The following KDM3A variants were observed in gnomAD, a reference collection of about 807,000 sequenced individuals.
KDM3A encodes the protein lysine-specific demethylase 3A.
KDM3A carries 60 observed loss-of-function variants against 158.0 expected under a neutral mutation model. That is an observed-to-expected ratio of 0.38 (90% CI 0.31 to 0.47). The LOEUF is 0.47. Ranked by LOEUF, KDM3A falls within the 20% of genes least tolerant of loss-of-function variation. The pLI is 0.99. For missense variants in KDM3A, 1,319 were observed against 1,574.3 expected (o/e 0.84, Z 2.74); for synonymous variants, 608 against 549.3 (o/e 1.11, Z -1.49).
intron 1 of KDM3A, 130 bp from the exon 2 acceptor site, chr2:86,441,888 C>A: frequency 2.1e-6 from 1 of 484,312 alleles, no homozygotes; most frequent in Non-Finnish European, 3.3e-6. Flanking sequence ...AGGAGGGGGG[C>A]TCGGTGCGGG....
chr2:86,482,661 G>T lies in KDM3A; in HGVS notation c.2889G>T (p.Trp963Cys). ...AAGACCCCAACAATAAGAGCAACTGGAATGTGTTTAGGGAGTGCTGGAAAC... is the reference window on the plus strand; with the variant it reads ...AAGACCCCAACAATAAGAGCAACTGTAATGTGTTTAGGGAGTGCTGGAAAC... ...CLQDPNNKSN[W>C]NVFRECWKQG... The change falls in exon 18 of 26, where the codon TGG becomes TGT. Residue 963 changes from tryptophan (W) to cysteine (C), a missense_variant. By Grantham distance (215) the Trp-to-Cys change is radical (BLOSUM62 -2). Around this residue, in one of 4 missense-constraint regions of KDM3A, gnomAD observed 368 missense variants for 415.8 expected, o/e 0.89. Coordinates refer to ENST00000312912, the MANE Select transcript of KDM3A (RefSeq NM_018433.6). 1 of 1,614,086 alleles carries T rather than the reference G, an allele frequency of 6.2e-7. No individual in the cohort carries two copies. Among genetic ancestry groups the T allele is most frequent in the Non-Finnish European group, 8.5e-7 (1 of 1,180,026 alleles).
At chr2:86,485,898 C>T (rs747548083) in intron 21 of KDM3A, 39 bp downstream of exon 21, 1 of 1,591,268 alleles carries the variant, frequency 6.3e-7, no homozygotes, top group South Asian at 1.1e-5. Context: ...GGAAATAAAA[C>T]AATTCAAAAT....
In KDM3A at chr2:86,491,201, A is replaced by G. The variant is rs376556978; in HGVS notation, c.3811A>G (p.Lys1271Glu). 2.5e-5 allele frequency: 41 copies of G among 1,613,444 alleles called. No homozygotes were observed. The highest frequency in any genetic ancestry group is 3.4e-5 in the Non-Finnish European group (40 of 1,179,516). The change falls in exon 25 of 26, where the codon AAA becomes GAA. Residue 1271 changes from lysine (K) to glutamate (E), a missense_variant. This residue lies in a region of KDM3A where 186 missense variants were observed against 340.9 expected (regional missense o/e 0.55). Coordinates refer to ENST00000312912, the MANE Select transcript of KDM3A (RefSeq NM_018433.6). Reference sequence around the variant, plus strand: ...AGATTTTGTTTCTCCAGAGCATGTTAAACACTGCTTCTGGCTTACTCAGGA... The same window carrying G: ...AGATTTTGTTTCTCCAGAGCATGTTGAACACTGCTTCTGGCTTACTCAGGA... ...AEDFVSPEHV[K>E]HCFWLTQEFR... is the part of the protein sequence containing the mutation.
chr2:86,483,022 G>T (rs1350317320), intron 18 of KDM3A: 41 of 299,718 alleles, frequency 1.4e-4, no homozygotes. Flanking sequence ...GATGGGATTT[G>T]GGAGATCAGA....
intron 8 of KDM3A, 102 bp from the exon 9 acceptor site, chr2:86,463,951 A>T (rs1289371989): frequency 1.3e-6 from 1 of 763,594 alleles, no homozygotes; most frequent in East Asian, 2.9e-5. Context: ...CAATGGTATT[A>T]TGTTTGTTTA....
intron 8 of KDM3A, among the ~76,000 whole-genome samples, chr2:86,461,349 T>C (rs1319792106): frequency 6.6e-6 from 1 of 152,190 alleles, no homozygotes; most frequent in Non-Finnish European, 1.5e-5. Context: ...ATTTAGTGTA[T>C]GCTAGACTGA....
Position 86,489,670 on chromosome 2 carries a change from T to TA in KDM3A, c.3573+12dup, listed in dbSNP as rs1431415222. 3 of 1,606,046 alleles carry TA rather than the reference T, an allele frequency of 1.9e-6. No individual in the cohort carries two copies. The highest frequency in any genetic ancestry group is 1.1e-5 in the South Asian group (1 of 90,126). On this transcript the variant is annotated intron_variant, in intron 23 of 25. Coordinates refer to ENST00000312912, the MANE Select transcript of KDM3A (RefSeq NM_018433.6). ...GAATTTCTTAAAAAGGTGTGCTGCT[T>TA]ATGGCATGTGTGAACAGAGGCATAA...
chr2:86,452,755 G>T (rs983916056), intron 4 of KDM3A, among the ~76,000 whole-genome samples: 28 of 152,196 alleles, frequency 1.8e-4, no homozygotes, highest in African/African-American at 6.8e-4. Context: ...GTATCGGGAA[G>T]CCCAAAGCAC....
intron 4 of KDM3A, among the ~76,000 whole-genome samples, chr2:86,454,208 A>G (rs972224299): frequency 1.1e-4 from 17 of 152,210 alleles, no homozygotes; most frequent in Admixed American, 2.6e-4. Context: ...GTTGTTAAAA[A>G]CAGCAGTTTC....
At chr2:86,446,898 A>G (rs991342683) in intron 2 of KDM3A, among the ~76,000 whole-genome samples, 50 of 152,176 alleles carry the variant, frequency 3.3e-4, no homozygotes, top group African/African-American at 1.2e-3. Flanking sequence ...TGCAGCCTCA[A>G]CTTCCTTGGC....
chr2:86,450,039 A>G, intron 3 of KDM3A, 77 bp downstream of exon 3: 1 of 1,418,186 alleles, frequency 7.1e-7, no homozygotes, highest in Non-Finnish European at 9.5e-7. Flanking sequence ...GAATATGTAA[A>G]TGTAATGCCA....
chr2:86,439,538 T>TA (rs1363489478), upstream of KDM3A, among the ~76,000 whole-genome samples: 119 of 152,236 alleles, frequency 7.8e-4, no homozygotes, highest in African/African-American at 2.4e-3. Context: ...ATAGAAAGTA[T>TA]ATGTTCCTTC....
At chr2:86,465,931 T>G (rs1257628151) in intron 9 of KDM3A, among the ~76,000 whole-genome samples, 1 of 110,294 alleles carries the variant, frequency 9.1e-6, no homozygotes, top group Non-Finnish European at 1.8e-5. Context: ...TCTCTGAAAT[T>G]TACACACAAA....
chr2:86,452,725 G>T (rs1194380881), intron 4 of KDM3A, among the ~76,000 whole-genome samples: 1 of 152,154 alleles, frequency 6.6e-6, no homozygotes, highest in Non-Finnish European at 1.5e-5. Context: ...GGGGTCAGTG[G>T]TTATCAGGTT....
chr2:86,455,053 C>T (rs751055972), intron 4 of KDM3A, 32 bp from the exon 5 acceptor site: 23 of 1,258,408 alleles, frequency 1.8e-5, no homozygotes, highest in African/African-American at 3.0e-5. Flanking sequence ...TTAACTGTTA[C>T]CCTTAACATG....
chr2:86,484,957 A>G lies in KDM3A; in HGVS notation c.3110A>G (p.Glu1037Gly), dbSNP rs774515595. The change falls in exon 20 of 26, where the codon GAA (glutamate) becomes GGA (glycine). Residue 1037 changes from glutamate (E) to glycine (G), a missense_variant. Physicochemically the swap from Glu to Gly is moderately conservative, Grantham distance 98. Transcript: ENST00000312912. ...TACCTTTCAGATCGTTTGAAAAATG[A>G]AAAAGAACCAATGGTGTTGAAACTT... is the stretch of plus-strand genomic sequence containing the variant. ...FEDVPNRLKN[E>G]KEPMVLKLKD... 4.4e-6 allele frequency: 7 copies of G among 1,605,510 alleles called. No individual in the cohort carries two copies. Among genetic ancestry groups the G allele is most frequent in the Non-Finnish European group, 6.0e-6 (7 of 1,172,372 alleles).
intron 3 of KDM3A, among the ~76,000 whole-genome samples, chr2:86,450,531 G>A (rs979064229): frequency 6.6e-6 from 1 of 152,214 alleles, no homozygotes; most frequent in Admixed American, 6.5e-5. Flanking sequence ...ATTGTAAAGT[G>A]TGGTGCAAAG....
At chr2:86,451,246 A>G in intron 4 of KDM3A, 33 bp downstream of exon 4, 1 of 1,379,806 alleles carries the variant, frequency 7.2e-7, no homozygotes, top group Non-Finnish European at 1.0e-6. Context: ...AACATTAGAA[A>G]CAGAAATACG....
intron 10 of KDM3A, 39 bp downstream of exon 10, chr2:86,466,922 A>C: frequency 6.9e-7 from 1 of 1,454,552 alleles, no homozygotes; most frequent in Non-Finnish European, 9.3e-7. Context: ...AGAAGGTAAG[A>C]AATGGTAGAT....
Sources: allele counts gnomAD v4.1 joint callset (sites outside exome capture counted in the v4.1 genomes callset), GRCh38; gene constraint gnomAD v4.1.1; regional missense constraint gnomAD v4.1.1; transcripts MANE v1.5; gene names NCBI Gene and HGNC (gene_info 2026-07-23, HGNC 2026-07-21).